LARP4B: variants seen among roughly 807,000 people sequenced by gnomAD.
LARP4B encodes the protein La ribonucleoprotein 4B, also known as la-related protein 4B.
Under a neutral mutation model 89.8 loss-of-function variants are expected in LARP4B, and 12 were observed. The observed-to-expected ratio is 0.13, with a 90% confidence interval of 0.09 to 0.22. The LOEUF is 0.22. Ranked by LOEUF, LARP4B falls within the 10% of genes least tolerant of loss-of-function variation. LARP4B has a pLI of 1.00. For synonymous variants in LARP4B, 367 were observed against 363.3 expected (o/e 1.01, Z -0.12); for missense variants, 757 against 947.7 (o/e 0.80, Z 2.64).
chr10:982,112 C>CTTTTTTTTTTTTTTTTTTTTT, the LARP4B span, among the ~76,000 whole-genome samples: 1 of 125,978 alleles, frequency 7.9e-6, no homozygotes, highest in African/African-American at 3.0e-5. Flanking sequence ...TTCTTTCTTT[C>CTTTTTTTTTTTTTTTTTTTTT]TTTCTTTTTT....
chr10:840,134 G>A (rs1833452300), intron 7 of LARP4B, among the ~76,000 whole-genome samples: 1 of 152,016 alleles, frequency 6.6e-6, no homozygotes, highest in Admixed American at 6.6e-5. Context: ...GCTTGGCGGG[G>A]GTGGGCTGTG....
At chr10:974,845 C>T in the LARP4B span, among the ~76,000 whole-genome samples, 37 of 152,356 alleles carry the variant, frequency 2.4e-4, no homozygotes, top group African/African-American at 8.4e-4. Flanking sequence ...CAACAAATGT[C>T]GGCTGTCACT....
At chr10:918,423 A>G (rs1218519793) in intron 1 of LARP4B, among the ~76,000 whole-genome samples, 1 of 152,152 alleles carries the variant, frequency 6.6e-6, no homozygotes, top group Non-Finnish European at 1.5e-5. Context: ...GCTTGAGCCC[A>G]GGAGTTTGAG....
At chr10:922,633 C>T (rs1315640193) in intron 1 of LARP4B, among the ~76,000 whole-genome samples, 1 of 151,984 alleles carries the variant, frequency 6.6e-6, no homozygotes, top group Non-Finnish European at 1.5e-5. Flanking sequence ...CACCACTACA[C>T]TCCACTCCTG....
intron 1 of LARP4B, among the ~76,000 whole-genome samples, chr10:929,238 AAAAAC>A (rs1256534137): frequency 2.1e-5 from 3 of 145,746 alleles, no homozygotes; most frequent in African/African-American, 8.4e-5. Flanking sequence ...AACAAAACAA[AAAAAC>A]AAAAACAAAA....
At chr10:983,184 G>A in the LARP4B span, among the ~76,000 whole-genome samples, 12 of 152,370 alleles carry the variant, frequency 7.9e-5, no homozygotes, top group African/African-American at 2.9e-4. Context: ...TGCCAATGCA[G>A]TAGGCATCAG....
intron 1 of LARP4B, among the ~76,000 whole-genome samples, chr10:907,129 C>G (rs1470355665): frequency 6.6e-6 from 1 of 152,250 alleles, no homozygotes; most frequent in Non-Finnish European, 1.5e-5. Context: ...ATCAAATTAT[C>G]ATCCTCACTC....
intron 3 of LARP4B, among the ~76,000 whole-genome samples, chr10:874,326 G>C (rs768777273): frequency 3.9e-5 from 6 of 152,134 alleles, no homozygotes; most frequent in African/African-American, 1.4e-4. Context: ...GGTATTATTC[G>C]CTCCACTTCT....
At chr10:813,636 C>A (rs1233334401) in intron 17 of LARP4B, among the ~76,000 whole-genome samples, 2 of 152,210 alleles carry the variant, frequency 1.3e-5, no homozygotes, top group Non-Finnish European at 2.9e-5. Flanking sequence ...ACTCCAAAAA[C>A]AGTCTTTAAA....
At chr10:824,485 C>CCAGG (rs1189054306) in intron 13 of LARP4B, among the ~76,000 whole-genome samples, 33 of 150,934 alleles carry the variant, frequency 2.2e-4, no homozygotes, top group African/African-American at 7.8e-4. Flanking sequence ...GGAGTGAGAC[C>CCAGG]CTGTCTTAAA....
At chr10:886,946 G>C (rs1835874762) in intron 1 of LARP4B, among the ~76,000 whole-genome samples, 1 of 152,118 alleles carries the variant, frequency 6.6e-6, no homozygotes, top group Non-Finnish European at 1.5e-5. Flanking sequence ...AAAATTAGCT[G>C]GGTGTGGTGG....
the LARP4B span, among the ~76,000 whole-genome samples, chr10:976,393 C>T: frequency 3.3e-5 from 5 of 150,966 alleles, no homozygotes; most frequent in Non-Finnish European, 7.4e-5. Flanking sequence ...GTAGGCCTAT[C>T]ATGCAACGTG....
At chr10:832,638 A>G (rs1410307091) in intron 8 of LARP4B, among the ~76,000 whole-genome samples, 1 of 152,220 alleles carries the variant, frequency 6.6e-6, no homozygotes, top group Non-Finnish European at 1.5e-5. Context: ...AACCACAGAA[A>G]ACGTATACCA....
At chr10:891,393 A>G (rs1035631379) in intron 1 of LARP4B, among the ~76,000 whole-genome samples, 8 of 152,234 alleles carry the variant, frequency 5.3e-5, no homozygotes, top group African/African-American at 1.9e-4. Context: ...ACAACAGTAA[A>G]AGGACAACTG....
the LARP4B span, chr10:972,660 T>C: frequency 2.2e-6 from 1 of 457,280 alleles, no homozygotes; most frequent in Non-Finnish European, 4.4e-6. Context: ...GCCGTTTGAC[T>C]GGTATGAAGT....
intron 8 of LARP4B, among the ~76,000 whole-genome samples, chr10:836,134 T>G (rs1833207843): frequency 6.6e-6 from 1 of 152,164 alleles, no homozygotes; most frequent in Non-Finnish European, 1.5e-5. Flanking sequence ...TTTAAATAAA[T>G]ATTTAAATGT....
At chr10:979,609 A>G in the LARP4B span, among the ~76,000 whole-genome samples, 1 of 152,266 alleles carries the variant, frequency 6.6e-6, no homozygotes, top group African/African-American at 2.4e-5. Flanking sequence ...ATGGCTTCCC[A>G]CAGTTGCCAG....
intron 1 of LARP4B, among the ~76,000 whole-genome samples, chr10:917,958 T>C (rs775910134): frequency 1.8e-4 from 28 of 152,340 alleles, no homozygotes; most frequent in Middle Eastern, 3.4e-3. Context: ...ATAAGAAAAC[T>C]ATAGTACCCA....
chr10:880,068 C>T (rs560229209), intron 3 of LARP4B, among the ~76,000 whole-genome samples: 17 of 152,260 alleles, frequency 1.1e-4, no homozygotes, highest in African/African-American at 4.1e-4. Context: ...GCCACCGCAC[C>T]TGGCCCAAGT....
Sources: allele counts gnomAD v4.1 joint callset (sites outside exome capture counted in the v4.1 genomes callset), GRCh38; gene constraint gnomAD v4.1.1; transcripts MANE v1.5; gene names NCBI Gene and HGNC (gene_info 2026-07-23, HGNC 2026-07-21).